AP1G1: variants seen among roughly 807,000 people sequenced by gnomAD.
The protein encoded by AP1G1 is AP-1 complex subunit gamma-1.
AP1G1 carries 7 observed loss-of-function variants against 108.3 expected under a neutral mutation model. That is an observed-to-expected ratio of 0.06 (90% CI 0.04 to 0.12). The LOEUF is 0.12. AP1G1 is among the 10% of genes least tolerant of loss of function. AP1G1 has a pLI of 1.00. For missense variants in AP1G1, 756 were observed against 1,010.7 expected, an observed-to-expected ratio of 0.75 and a Z score of 3.42; for synonymous variants, 379 against 353.5, an observed-to-expected ratio of 1.07 and a Z score of -0.81.
At chr16:71,792,905 C>T (rs2032457236) in intron 1 of AP1G1, among the ~76,000 whole-genome samples, 1 of 152,044 alleles carries the variant, frequency 6.6e-6, no homozygotes, top group Non-Finnish European at 1.5e-5. Flanking sequence ...CGGTGGCTCA[C>T]ACCTGCAATC....
rs553058784 is a variant in AP1G1, at chr16:71,769,102, G to A, written c.642+521C>T. On this transcript the variant is annotated intron_variant, in intron 6 of 22. Transcript: ENST00000299980. ...GTTCAAGACCAGCTTGGCCAACATG[G>A]TGAAACCCCGACTCTCCTAAAAATA... Among the ~76,000 whole-genome samples the A allele has an allele frequency of 7.9e-5, 12 of 150,946 alleles. No homozygotes were observed. In the East Asian group the frequency reaches 2.3e-3, roughly 29 times the overall value.
rs575979559 is a variant in AP1G1 at position 71,748,287 on chromosome 16, A to C, written c.1589T>G (p.Ile530Ser). Residue 530 changes from isoleucine to serine, a missense_variant, in exon 16 of 23, where the codon ATT becomes AGT. Coordinates refer to ENST00000299980, the MANE Select transcript of AP1G1 (RefSeq NM_001128.6). ...SVTRGYALTA[I>S]MKLSTRFTCT... ...AGTGAATCGAGTGGAAAGCTTCATA[A>C]TGGCAGTGAGGGCATAACCTCGTGT... 6.2e-7 allele frequency: 1 copy of C among 1,614,110 alleles called. No homozygotes were observed. Among genetic ancestry groups the C allele is most frequent in the South Asian group, 1.1e-5 (1 of 91,076 alleles).
intron 2 of AP1G1, among the ~76,000 whole-genome samples, chr16:71,783,619 T>C (rs761115376): frequency 6.6e-6 from 1 of 152,080 alleles, no homozygotes; most frequent in African/African-American, 2.4e-5. Context: ...AGAAGTGCAG[T>C]CCTATGCTAC....
intron 1 of AP1G1, among the ~76,000 whole-genome samples, chr16:71,791,949 A>G (rs1597084544): frequency 1.3e-5 from 2 of 152,064 alleles, no homozygotes; most frequent in African/African-American, 4.8e-5. Flanking sequence ...TTTAGTAGAG[A>G]CAGGGTTTCA....
chr16:71,777,095 C>T (rs1171429106), intron 2 of AP1G1, among the ~76,000 whole-genome samples: 1 of 97,178 alleles, frequency 1.0e-5, no homozygotes, highest in African/African-American at 4.8e-5. Flanking sequence ...AGGAAAACAG[C>T]CAAACTGTTA....
intron 21 of AP1G1, among the ~76,000 whole-genome samples, chr16:71,737,995 C>G (rs1278265245): frequency 6.6e-6 from 1 of 152,214 alleles, no homozygotes; most frequent in Non-Finnish European, 1.5e-5. Context: ...ACTGTCTCAT[C>G]TTTTTAAGAA....
intron 2 of AP1G1, among the ~76,000 whole-genome samples, chr16:71,780,168 A>G (rs561652917): frequency 1.0e-3 from 156 of 151,474 alleles, no homozygotes; most frequent in African/African-American, 3.3e-3. Context: ...TAATTTTTGT[A>G]TTTTTAGTAG....
intron 11 of AP1G1, chr16:71,758,521 T>C: frequency 1.8e-6 from 1 of 569,928 alleles, no homozygotes; most frequent in South Asian, 1.4e-5. Context: ...AACTTTTGCC[T>C]AGCTTATCTG....
chr16:71,789,228 G>C, intron 2 of AP1G1, 51 bp downstream of exon 2: 1 of 1,515,392 alleles, frequency 6.6e-7, no homozygotes, highest in Non-Finnish European at 9.0e-7. Flanking sequence ...CAATCCCTGA[G>C]CAACAATGTC....
At chr16:71,791,831 G>T (rs1005375540) in intron 1 of AP1G1, among the ~76,000 whole-genome samples, 2 of 142,884 alleles carry the variant, frequency 1.4e-5, no homozygotes, top group Non-Finnish European at 3.0e-5. Flanking sequence ...GCGCAATCTC[G>T]GCTCACTGCA....
At chr16:71,760,136 G>C (rs1217590318) in intron 10 of AP1G1, among the ~76,000 whole-genome samples, 2 of 151,950 alleles carry the variant, frequency 1.3e-5, no homozygotes, top group African/African-American at 4.8e-5. Flanking sequence ...CTGCCAAAGT[G>C]CTGGATTACA....
intron 1 of AP1G1, among the ~76,000 whole-genome samples, chr16:71,801,890 C>T (rs1485350352): frequency 6.7e-5 from 10 of 149,624 alleles, no homozygotes; most frequent in Non-Finnish European, 8.9e-5. Flanking sequence ...CCACTGCACT[C>T]CAGCCTGGGC....
intron 3 of AP1G1, 61 bp from the exon 4 acceptor site, chr16:71,773,423 A>G: frequency 1.4e-6 from 2 of 1,441,876 alleles, no homozygotes; most frequent in Non-Finnish European, 1.8e-6. Flanking sequence ...CAGCTTCACA[A>G]TTTCAAACTA....
At chr16:71,737,397 C>T (rs1162949653) in intron 21 of AP1G1, among the ~76,000 whole-genome samples, 5 of 152,160 alleles carry the variant, frequency 3.3e-5, no homozygotes, top group Non-Finnish European at 7.3e-5. Flanking sequence ...GAGTCTCCCA[C>T]CTCAGCCTCC....
At position 71,731,719 on chromosome 16, in the gene AP1G1, T is replaced by C. The variant is rs2045476678; in HGVS notation, c.*1339A>G. The C allele has an allele frequency of 6.6e-6, 1 of 152,586 alleles. No homozygotes were observed. The highest frequency in any genetic ancestry group is 2.1e-4 in the South Asian group (1 of 4,828). 9.5% of individuals were successfully genotyped at this position (152,586 alleles called of 1,614,324 possible). ...TCACTAGTTTAAAAAGCTCAAGTCT[T>C]TGATGTGAATATTCATGAGATTCGT... On this transcript the variant is annotated 3_prime_UTR_variant, in exon 23 of 23. Transcript: ENST00000299980.
At chr16:71,776,461 T>C (rs923663335) in intron 2 of AP1G1, among the ~76,000 whole-genome samples, 1 of 152,224 alleles carries the variant, frequency 6.6e-6, no homozygotes, top group Non-Finnish European at 1.5e-5. Flanking sequence ...ATGAAAGTCA[T>C]CTTTACAATG....
chr16:71,808,168 AGT>A (rs1286608964), intron 1 of AP1G1: 2 of 1,134,428 alleles, frequency 1.8e-6, no homozygotes, highest in Non-Finnish European at 2.2e-6. Context: ...AAGGGTAAAC[AGT>A]ATACTCGCAG....
intron 1 of AP1G1, among the ~76,000 whole-genome samples, chr16:71,797,063 G>A (rs1351726758): frequency 6.7e-6 from 1 of 150,256 alleles, no homozygotes; most frequent in Non-Finnish European, 1.5e-5. Context: ...AGCATGAAAA[G>A]CAATAAAGGC....
intron 6 of AP1G1, 43 bp downstream of exon 6, chr16:71,769,580 T>A: frequency 6.5e-7 from 1 of 1,535,444 alleles, no homozygotes; most frequent in Non-Finnish European, 9.0e-7. Context: ...AGGAAAATCA[T>A]TTTTCAATCA....
Sources: gnomAD v4.1 joint callset for allele counts (sites outside exome capture counted in the v4.1 genomes callset) on GRCh38, gnomAD v4.1.1 for gene constraint, MANE v1.5 for transcripts, NCBI Gene and HGNC (gene_info 2026-07-23, HGNC 2026-07-21) for gene names.